Variants in ANKS6 observed in about 807,000 individuals in gnomAD.
The protein encoded by ANKS6 is ankyrin repeat and sterile alpha motif domain containing 6, also known as ankyrin repeat and SAM domain-containing protein 6.
Under a neutral mutation model 77.9 loss-of-function variants are expected in ANKS6, and 47 were observed. The observed-to-expected ratio is 0.60, with a 90% CI of 0.48 to 0.77. The LOEUF (loss-of-function observed/expected upper bound fraction) is 0.77, where lower values mean the gene tolerates loss of function less well. Ranked by LOEUF, ANKS6 falls within the 30% of genes least tolerant of loss-of-function variation. The pLI, the probability that ANKS6 is intolerant of heterozygous loss-of-function variation, is 0.00. For missense variants in ANKS6, 1,150 were observed against 1,159.1 expected, an observed-to-expected ratio of 0.99 and a Z score of 0.11; for synonymous variants, 488 against 501.7, an observed-to-expected ratio of 0.97 and a Z score of 0.37.
In ANKS6 at chr9:98,796,513, G is replaced by C. The variant is rs1325875079; in HGVS notation, c.-22C>G. The C allele has an allele frequency of 3.0e-6, 3 of 983,774 alleles. No individual in the cohort carries two copies. Among genetic ancestry groups the C allele is most frequent in the Non-Finnish European group, 3.6e-6 (3 of 829,564 alleles). 60.9% of individuals were successfully genotyped at this position (983,774 alleles called of 1,614,324 possible). A position where few individuals can be genotyped will look rare whatever the true frequency, so the allele number is the denominator to read the frequency against. On this transcript the variant is annotated 5_prime_UTR_variant, in exon 1 of 15. Transcript: ENST00000353234. ...CCATCGCCGCCGCCACGCGCGGCCCGCTCCCGTCCGCCCCGCCGGCCGCGT... is the reference window on the plus strand; with the variant it reads ...CCATCGCCGCCGCCACGCGCGGCCCCCTCCCGTCCGCCCCGCCGGCCGCGT...
intron 4 of ANKS6, among the ~76,000 whole-genome samples, chr9:98,783,082 T>TGGAAAGAAAA (rs1331282674): frequency 7.7e-6 from 1 of 129,658 alleles, no homozygotes; most frequent in East Asian, 2.2e-4. Context: ...GAGATACTGT[T>TGGAAAGAAAA]GGAAAGAAAA....
chr9:98,750,914 C>T, intron 13 of ANKS6, 115 bp downstream of exon 13: 1 of 776,400 alleles, frequency 1.3e-6, no homozygotes, highest in Non-Finnish European at 2.1e-6. Flanking sequence ...TCTATTTCCT[C>T]AACTGTCTCA....
chr9:98,783,977 GC>G lies in ANKS6; in HGVS notation c.1087del (p.Ala363ProfsTer14). 6 of 1,600,966 alleles carry G rather than the reference GC, an allele frequency of 3.7e-6. No homozygotes were observed. Among genetic ancestry groups the G allele is most frequent in the Admixed American group, 3.4e-5 (2 of 59,062 alleles). ...DKQDSVHGWT[A>X]LMQATYHGNK... ...CCCATGGTAGGTTGCCTGCATGAGG[GC>G]CGTCCAGCCATGCACGCTGTCCTGC... On this transcript the variant is annotated frameshift_variant, in exon 4 of 15. Coordinates refer to ENST00000353234, the MANE Select transcript of ANKS6 (RefSeq NM_173551.5). LOFTEE classifies it high-confidence loss of function.
At chr9:98,786,970 T>TG (rs1834608152) in intron 2 of ANKS6, among the ~76,000 whole-genome samples, 1 of 152,172 alleles carries the variant, frequency 6.6e-6, no homozygotes, top group South Asian at 2.1e-4. Context: ...CCAGGGACCC[T>TG]GCCCCAACCC....
At chr9:98,770,790 C>G in intron 10 of ANKS6, 106 bp downstream of exon 10, 2 of 1,160,456 alleles carry the variant, frequency 1.7e-6, no homozygotes, top group Non-Finnish European at 2.2e-6. Context: ...GTGCCTCTTG[C>G]GTGGTCATTT....
intron 8 of ANKS6, among the ~76,000 whole-genome samples, 180 bp from the exon 9 acceptor site, chr9:98,774,260 C>T (rs549834772): frequency 1.3e-5 from 2 of 152,344 alleles, no homozygotes; most frequent in South Asian, 2.1e-4. Context: ...CCCATGTCTG[C>T]TCTGCGCCAA....
chr9:98,762,858 A>G (rs1274254210), intron 11 of ANKS6, among the ~76,000 whole-genome samples: 1 of 151,920 alleles, frequency 6.6e-6, no homozygotes, highest in Non-Finnish European at 1.5e-5. Context: ...TGTTAGTCAT[A>G]AAAATGCATC....
At chr9:98,740,870 C>T (rs546666085) in intron 14 of ANKS6, among the ~76,000 whole-genome samples, 10 of 152,202 alleles carry the variant, frequency 6.6e-5, no homozygotes, top group Admixed American at 5.9e-4. Flanking sequence ...AACAAGGTAC[C>T]TTTTTTTGCC....
At chr9:98,770,294 G>T (rs1206718836) in intron 10 of ANKS6, among the ~76,000 whole-genome samples, 3 of 152,170 alleles carry the variant, frequency 2.0e-5, no homozygotes, top group African/African-American at 7.2e-5. Context: ...GGAATTGTGA[G>T]TCCATTAAAC....
chr9:98,742,092 G>C (rs1475791848), intron 14 of ANKS6, among the ~76,000 whole-genome samples: 2 of 152,182 alleles, frequency 1.3e-5, no homozygotes, highest in African/African-American at 2.4e-5. Context: ...AGACACTGCG[G>C]GCAAGGAAAG....
rs200656157 is a variant in ANKS6, at chr9:98,782,552, A to G, written c.1134T>C (p.Tyr378=). Residue 378 remains tyrosine (Y), a synonymous_variant, in exon 5 of 15, where the codon TAT becomes TAC. Transcript: ENST00000353234. ...TGACATCGGCCCCTTGGTTTAGCAG[A>G]TATTTCACAATTTCCTTATTCCTGG... ...TYHGNKEIVK[Y]LLNQGADVTL... 9.1e-5 allele frequency: 147 copies of G among 1,614,082 alleles called. No homozygotes were observed. The highest frequency in any genetic ancestry group is 3.3e-4 in the Middle Eastern group (2 of 6,062).
At chr9:98,794,977 C>A (rs1835096112) in intron 1 of ANKS6, among the ~76,000 whole-genome samples, 1 of 152,116 alleles carries the variant, frequency 6.6e-6, no homozygotes, top group Admixed American at 6.5e-5. Flanking sequence ...GGAAGCCAGT[C>A]AGCATTAACA....
chr9:98,742,145 T>A (rs930953767), intron 14 of ANKS6, among the ~76,000 whole-genome samples: 2 of 152,230 alleles, frequency 1.3e-5, no homozygotes, highest in Non-Finnish European at 2.9e-5. Flanking sequence ...GGGTCTCTAA[T>A]GTGTACAGAG....
At position 98,776,694 on chromosome 9, in the gene ANKS6, C is replaced by T. The variant is rs11788953; in HGVS notation, c.1617+711G>A. On this transcript the variant is annotated intron_variant, in intron 8 of 14. Transcript: ENST00000353234. ...GGGATTACAGGCATGAGCTACTGTGCGTGGCCCCAAGAAACTTCCTTAAAG... is the reference window on the plus strand; with the variant it reads ...GGGATTACAGGCATGAGCTACTGTGTGTGGCCCCAAGAAACTTCCTTAAAG... Among the ~76,000 whole-genome samples the T allele has an allele frequency of 5.3e-3, 803 of 152,306 alleles. 6 individuals are homozygous for T. Among genetic ancestry groups the T allele is most frequent in the South Asian group, 0.024 (115 of 4,826 alleles).
chr9:98,743,848 C>T (rs1261225000), intron 14 of ANKS6, among the ~76,000 whole-genome samples: 6 of 152,232 alleles, frequency 3.9e-5, no homozygotes, highest in Non-Finnish European at 7.3e-5. Flanking sequence ...GGCTCTTCTT[C>T]ATGAATAAAT....
In ANKS6 at chr9:98,768,669, T is replaced by C. The variant is rs1168394100; in HGVS notation, c.1973-419A>G. On this transcript the variant is annotated intron_variant, in intron 10 of 14. Transcript: ENST00000353234. ...GGGCTTCAGGAGGGCTAGTGAGTGA[T>C]TGGTCCCTCACCCTTTGACTCTCCC... Among the ~76,000 whole-genome samples, 7 of 152,272 alleles carry C rather than the reference T, an allele frequency of 4.6e-5. No individual in the cohort carries two copies. The East Asian group carries it at 9.7e-4, about 21-fold the overall frequency.
intron 1 of ANKS6, among the ~76,000 whole-genome samples, chr9:98,793,856 AC>A (rs1315173257): frequency 6.7e-6 from 1 of 149,248 alleles, no homozygotes; most frequent in Non-Finnish European, 1.5e-5. Flanking sequence ...TATTTTAAGA[AC>A]ATGAAAAAAC....
chr9:98,781,123 C>T (rs79712218), intron 5 of ANKS6, among the ~76,000 whole-genome samples: 2 of 152,198 alleles, frequency 1.3e-5, no homozygotes, highest in African/African-American at 4.8e-5. Context: ...TGGTCTCGAA[C>T]CCCTGGCCTC....
At position 98,790,308 on chromosome 9, in the gene ANKS6, C is replaced by A. The variant is rs200419394; in HGVS notation, c.658G>T (p.Ala220Ser). ...GGGCTCCAGCCCACGGTCCGGGCTG[C>A]GTGGTTGGGGTCCGCGCCCCACTCC... is the stretch of plus-strand genomic sequence containing the variant. ...LMEWGADPNH[A>S]ARTVGWSPLM... Residue 220 changes from alanine (A) to serine (S), a missense_variant, in exon 2 of 15, where the codon GCA (alanine) becomes TCA (serine). Transcript: ENST00000353234. 4 of 1,607,358 alleles carry A rather than the reference C, an allele frequency of 2.5e-6. No individual in the cohort carries two copies. The highest frequency in any genetic ancestry group is 2.7e-5 in the African/African-American group (2 of 74,966).
Sources: allele counts gnomAD v4.1 joint callset (sites outside exome capture counted in the v4.1 genomes callset), GRCh38; gene constraint gnomAD v4.1.1; transcripts MANE v1.5; gene names NCBI Gene and HGNC (gene_info 2026-07-23, HGNC 2026-07-21).